The following USP15 variants were observed in gnomAD, a reference collection of about 807,000 sequenced individuals.
The protein encoded by USP15 is ubiquitin specific peptidase 15, also known as ubiquitin carboxyl-terminal hydrolase 15.
Under a neutral mutation model 127.1 loss-of-function variants are expected in USP15, and 18 were observed. The ratio of observed to expected loss-of-function variants is 0.14; its 90% CI spans 0.10 to 0.21. The LOEUF (loss-of-function observed/expected upper bound fraction) is 0.21. USP15 is among the 10% of genes least tolerant of loss of function. The pLI is 1.00. For synonymous variants in USP15, 364 were observed against 393.7 expected (o/e 0.92, Z 0.89); for missense variants, 805 against 1,159.9 (o/e 0.69, Z 4.44).
chr12:62,280,946 T>A (rs116246551), intron 1 of USP15, among the ~76,000 whole-genome samples: 1 of 152,214 alleles, frequency 6.6e-6, no homozygotes, highest in African/African-American at 2.4e-5. Flanking sequence ...TCCTAATGAC[T>A]TTAAGTCCAT....
At chr12:62,305,084 A>T (rs2064441183) in intron 3 of USP15, among the ~76,000 whole-genome samples, 1 of 152,124 alleles carries the variant, frequency 6.6e-6, no homozygotes, top group Non-Finnish European at 1.5e-5. Context: ...TGCAGTAAGT[A>T]AGTTTAACAT....
At chr12:62,330,251 G>A (rs966041328) in intron 6 of USP15, among the ~76,000 whole-genome samples, 1 of 151,886 alleles carries the variant, frequency 6.6e-6, no homozygotes. Flanking sequence ...GATGAAGCAA[G>A]GATGATACAG....
In USP15 at chr12:62,301,157, A is replaced by G. The variant is rs368355669; in HGVS notation, c.218-1633A>G. ...AATTCATATTAGAGAAATGAAGATTAAAACCACAATGAGAAAACTGATCCA... is the reference window on the plus strand; with the variant it reads ...AATTCATATTAGAGAAATGAAGATTGAAACCACAATGAGAAAACTGATCCA... On this transcript the variant is annotated intron_variant, in intron 2 of 21. Coordinates refer to ENST00000280377, the MANE Select transcript of USP15 (RefSeq NM_001252078.2). Among the ~76,000 whole-genome samples, 4 of 152,200 alleles carry G rather than the reference A, an allele frequency of 2.6e-5. No individual in the cohort carries two copies. In the East Asian group the frequency reaches 7.7e-4, roughly 29 times the overall value.
intron 6 of USP15, among the ~76,000 whole-genome samples, chr12:62,331,994 G>A (rs895682443): frequency 3.3e-5 from 5 of 151,834 alleles, no homozygotes; most frequent in East Asian, 1.9e-4. Context: ...GTGAAACCCC[G>A]TCTCCACTAA....
intron 11 of USP15, among the ~76,000 whole-genome samples, chr12:62,388,078 G>A (rs1173283862): frequency 6.6e-6 from 1 of 151,566 alleles, no homozygotes; most frequent in Admixed American, 6.6e-5. Flanking sequence ...TGATATTAAG[G>A]GAGCAGTAGT....
At chr12:62,363,999 C>T (rs1215161862) in intron 8 of USP15, among the ~76,000 whole-genome samples, 1 of 151,814 alleles carries the variant, frequency 6.6e-6, no homozygotes, top group East Asian at 1.9e-4. Flanking sequence ...GTGAAACATC[C>T]AAGCAGATAG....
intron 6 of USP15, chr12:62,328,398 CT>C (rs2065194897): frequency 5.4e-6 from 2 of 372,150 alleles, no homozygotes; most frequent in Non-Finnish European, 1.1e-5. Flanking sequence ...TCCAATAAAG[CT>C]TTCTTTGTAA....
intron 6 of USP15, among the ~76,000 whole-genome samples, chr12:62,329,134 G>T (rs919933702): frequency 3.3e-5 from 5 of 152,046 alleles, no homozygotes; most frequent in African/African-American, 1.2e-4. Context: ...GGTGGCTTAT[G>T]CCTGTAATCC....
intron 1 of USP15, among the ~76,000 whole-genome samples, chr12:62,262,269 T>C (rs1159600208): frequency 2.0e-5 from 3 of 152,130 alleles, no homozygotes; most frequent in Non-Finnish European, 4.4e-5. Context: ...GTTTTTATTA[T>C]AATGTTAGAT....
intron 1 of USP15, among the ~76,000 whole-genome samples, chr12:62,270,317 T>TA (rs1342198529): frequency 6.6e-6 from 1 of 152,090 alleles, no homozygotes. Flanking sequence ...TGGATTTTCT[T>TA]TTTACTTTCT....
intron 8 of USP15, among the ~76,000 whole-genome samples, chr12:62,367,743 T>A (rs2066525371): frequency 6.6e-6 from 1 of 152,172 alleles, no homozygotes; most frequent in South Asian, 2.1e-4. Flanking sequence ...ATTTTGTTTA[T>A]CTTTTCTAAA....
chr12:62,370,543 A>T (rs1487258242), intron 8 of USP15, among the ~76,000 whole-genome samples: 3 of 152,216 alleles, frequency 2.0e-5, no homozygotes, highest in Admixed American at 2.0e-4. Flanking sequence ...CATCTGTGAA[A>T]TGAAGATAAA....
intron 1 of USP15, among the ~76,000 whole-genome samples, chr12:62,282,746 A>G (rs1353017035): frequency 6.6e-6 from 1 of 152,186 alleles, no homozygotes; most frequent in Non-Finnish European, 1.5e-5. Context: ...CCAAAATGCA[A>G]GAGTAGTGAG....
At chr12:62,285,458 GTTTGTGTC>G (rs2063760977) in intron 1 of USP15, among the ~76,000 whole-genome samples, 1 of 152,054 alleles carries the variant, frequency 6.6e-6, no homozygotes, top group South Asian at 2.1e-4. Flanking sequence ...ATTCCATGGT[GTTTGTGTC>G]TTTGTGTTTG....
At chr12:62,279,202 T>C (rs2063579949) in intron 1 of USP15, 1 of 152,178 alleles carries the variant, frequency 6.6e-6, no homozygotes, top group South Asian at 2.1e-4. Context: ...TTACTCTGTT[T>C]CTATGACTAT....
intron 11 of USP15, among the ~76,000 whole-genome samples, chr12:62,384,802 C>T (rs1321106855): frequency 6.6e-6 from 1 of 151,764 alleles, no homozygotes; most frequent in Non-Finnish European, 1.5e-5. Flanking sequence ...GTGATGTTCT[C>T]TAATTTCTAA....
intron 2 of USP15, among the ~76,000 whole-genome samples, chr12:62,296,907 TA>T (rs1031484712): frequency 2.0e-5 from 3 of 151,776 alleles, no homozygotes; most frequent in Non-Finnish European, 4.4e-5. Flanking sequence ...GCCAGTTTTC[TA>T]AAAAAAAATT....
At chr12:62,314,716 C>T in intron 3 of USP15, 74 bp from the exon 4 acceptor site, 2 of 1,318,772 alleles carry the variant, frequency 1.5e-6, no homozygotes, top group Non-Finnish European at 2.0e-6. Flanking sequence ...TCTAAAGTCT[C>T]TTTAAATGTA....
chr12:62,346,485 C>T (rs1383445364), intron 6 of USP15, among the ~76,000 whole-genome samples: 1 of 152,138 alleles, frequency 6.6e-6, no homozygotes, highest in Non-Finnish European at 1.5e-5. Flanking sequence ...CCAATGGACA[C>T]CTTAAAAAGG....
Sources: allele counts gnomAD v4.1 joint callset (sites outside exome capture counted in the v4.1 genomes callset), GRCh38; gene constraint gnomAD v4.1.1; transcripts MANE v1.5; gene names NCBI Gene and HGNC (gene_info 2026-07-23, HGNC 2026-07-21).